Variants in RPAIN observed in about 807,000 individuals in gnomAD.
RPAIN encodes the protein RPA-interacting protein.
RPAIN carries 29 observed loss-of-function variants against 30.5 expected under a neutral mutation model. The ratio of observed to expected loss-of-function variants is 0.95; its 90% CI spans 0.71 to 1.30. The LOEUF (loss-of-function observed/expected upper bound fraction) is 1.30. Ranked by LOEUF, RPAIN falls within the 50% of genes most tolerant of loss-of-function variation. RPAIN has a pLI of 0.00. For synonymous variants in RPAIN, 101 were observed against 93.5 expected, an observed-to-expected ratio of 1.08 and a Z score of -0.46; for missense variants, 247 against 264.7, an observed-to-expected ratio of 0.93 and a Z score of 0.46.
At position 5,432,854 on chromosome 17, in the gene RPAIN, G is replaced by A; in HGVS notation, c.*283G>A. Reference sequence around the variant, plus strand: ...ATAATAGATTTGTACAGAAAAAAATGATAATAAATGAGAACACAAAACATA... The same window carrying A: ...ATAATAGATTTGTACAGAAAAAAATAATAATAAATGAGAACACAAAACATA... On this transcript the variant is annotated 3_prime_UTR_variant, in exon 7 of 7. Transcript: ENST00000381209. The A allele has an allele frequency of 1.0e-6, 1 of 953,678 alleles. No individual in the cohort carries two copies. The highest frequency in any genetic ancestry group is 1.5e-6 in the Non-Finnish European group (1 of 673,970). The allele number at this position is 953,678 out of a possible 1,614,324, so 59.1% of individuals were successfully genotyped here. A position where few individuals can be genotyped will look rare whatever the true frequency, so the allele number is the denominator to read the frequency against.
Position 5,428,185 on chromosome 17 carries a change from A to G in RPAIN, c.604A>G (p.Lys202Glu). 6.2e-7 allele frequency: 1 copy of G among 1,614,184 alleles called. No homozygotes were observed. The highest frequency in any genetic ancestry group is 8.5e-7 in the Non-Finnish European group (1 of 1,180,024). The change falls in exon 6 of 7, where the codon AAG becomes GAG. Residue 202 changes from lysine to glutamate, a missense_variant. By Grantham distance (56) the Lys-to-Glu change is moderately conservative. Transcript: ENST00000381209. ...EFSVTGGTEE[K>E]SSLLMSCLAC... is the part of the protein sequence containing the mutation. ...TTCAGTCACTGGAGGAACAGAAGAA[A>G]AGTCCAGTCTTCTCATGAGCTGTCT...
intron 6 of RPAIN, chr17:5,432,131 T>C (rs938500728): frequency 4.4e-6 from 1 of 229,476 alleles, no homozygotes; most frequent in Middle Eastern, 1.7e-3. Context: ...TCATGCATGG[T>C]TTGCACCTCC....
intron 3 of RPAIN, among the ~76,000 whole-genome samples, chr17:5,424,775 T>G (rs1477158701): frequency 1.3e-5 from 2 of 152,234 alleles, no homozygotes; most frequent in African/African-American, 4.8e-5. Context: ...CAAGTGTTAG[T>G]TGTTAATGAC....
chr17:5,426,087 G>A lies in RPAIN; in HGVS notation c.425+5G>A, dbSNP rs1567586692. 1.2e-6 allele frequency: 2 copies of A among 1,606,238 alleles called. No individual in the cohort carries two copies. The highest frequency in any genetic ancestry group is 1.7e-6 in the Non-Finnish European group (2 of 1,173,080). On this transcript the variant is annotated splice_donor_5th_base_variant and intron_variant, in intron 4 of 6. Transcript: ENST00000381209. ...CATCTGTCCTGTATGTACAAAGTAAGAGTTTTTAAAACCTTTTCAGCATTA... is the reference window on the plus strand; with the variant it reads ...CATCTGTCCTGTATGTACAAAGTAAAAGTTTTTAAAACCTTTTCAGCATTA...
intron 5 of RPAIN, chr17:5,426,569 C>A: frequency 2.6e-6 from 1 of 390,842 alleles, no homozygotes; most frequent in East Asian, 4.2e-5. Context: ...TTGGTAACGC[C>A]TGTATCTGAC....
chr17:5,428,019 A>G, intron 5 of RPAIN, 52 bp from the exon 6 acceptor site: 3 of 1,579,002 alleles, frequency 1.9e-6, no homozygotes, highest in Non-Finnish European at 2.6e-6. Flanking sequence ...AGGATTTTCC[A>G]TCTGTTGGCT....
At chr17:5,425,161 A>G (rs1383040016) in intron 3 of RPAIN, 2 of 353,414 alleles carry the variant, frequency 5.7e-6, no homozygotes, top group Non-Finnish European at 1.1e-5. Context: ...CCCCTTCCCT[A>G]ATGTCTAGAC....
chr17:5,422,923 G>A (rs1915016024), intron 3 of RPAIN, 94 bp downstream of exon 3: 2 of 981,686 alleles, frequency 2.0e-6, no homozygotes, highest in South Asian at 2.9e-5. Context: ...AGTCCCCTTT[G>A]TCTACCTCCA....
intron 6 of RPAIN, chr17:5,431,005 C>T (rs1915854578): frequency 5.7e-6 from 1 of 175,926 alleles, no homozygotes; most frequent in Non-Finnish European, 1.2e-5. Flanking sequence ...TGTTATGGAC[C>T]CCAGTTATCC....
Position 5,422,755 on chromosome 17 carries a change from C to T in RPAIN, c.253-14C>T. On this transcript the variant is annotated splice_polypyrimidine_tract_variant and intron_variant, in intron 2 of 6. Transcript: ENST00000381209. ...AATACTTCAAACTTCTGATGCCGCT[C>T]CTTTCTCTTCCAGCTGGAGGAGCTG... 2 of 1,612,476 alleles carry T rather than the reference C, an allele frequency of 1.2e-6. No homozygotes were observed. Among genetic ancestry groups the T allele is most frequent in the South Asian group, 2.2e-5 (2 of 90,960 alleles).
intron 6 of RPAIN, 75 bp from the exon 7 acceptor site, chr17:5,432,467 T>G: frequency 7.2e-7 from 1 of 1,384,954 alleles, no homozygotes. Context: ...GAATTCTCAT[T>G]GATTACAACT....
intron 4 of RPAIN, 57 bp from the exon 5 acceptor site, chr17:5,426,179 G>A (rs373808715): frequency 1.9e-6 from 3 of 1,591,768 alleles, no homozygotes; most frequent in Non-Finnish European, 1.7e-6. Flanking sequence ...GAAATTCAAG[G>A]TTTGGAGATC....
In RPAIN at chr17:5,431,330, T is replaced by C. The variant is rs985339397; in HGVS notation, c.631-1212T>C. 3 of 391,856 alleles carry C rather than the reference T, an allele frequency of 7.7e-6. No individual in the cohort carries two copies. In the Admixed American group the frequency reaches 1.0e-4, roughly 13 times the overall value. 24.3% of individuals were successfully genotyped at this position (391,856 alleles called of 1,614,324 possible). On this transcript the variant is annotated intron_variant, in intron 6 of 6. Transcript: ENST00000381209. ...GGTGAAACCCTGTCTCTACTAAAAA[T>C]ACAGAAATTAGCTGGGTGTGGTGGC...
chr17:5,424,500 C>T (rs564819639), intron 3 of RPAIN, among the ~76,000 whole-genome samples: 18 of 152,238 alleles, frequency 1.2e-4, no homozygotes, highest in Admixed American at 8.5e-4. Flanking sequence ...GCTTAAATAA[C>T]GTGTGTAGAA....
At position 5,421,285 on chromosome 17, in the gene RPAIN, T is replaced by C; in HGVS notation, c.82-11T>C. 1 of 1,589,890 alleles carries C rather than the reference T, an allele frequency of 6.3e-7. No individual in the cohort carries two copies. The highest frequency in any genetic ancestry group is 1.2e-5 in the South Asian group (1 of 86,708). ...TTTTTTTTCCCCCCCAATCTTGCTC[T>C]TTTTTCCCAGAGATGCCTGGAGAGA... On this transcript the variant is annotated splice_polypyrimidine_tract_variant and intron_variant, in intron 1 of 6. Transcript: ENST00000381209.
chr17:5,432,382 G>A, intron 6 of RPAIN, 160 bp from the exon 7 acceptor site: 1 of 656,218 alleles, frequency 1.5e-6, no homozygotes, highest in Non-Finnish European at 2.7e-6. Flanking sequence ...CAATGCCAAA[G>A]AGGGGCGGTC....
At chr17:5,431,846 G>A in intron 6 of RPAIN, 1 of 336,462 alleles carries the variant, frequency 3.0e-6, no homozygotes, top group South Asian at 2.3e-5. Context: ...CATATTACCT[G>A]TGGAAGTGGT....
At chr17:5,428,731 T>G in intron 6 of RPAIN, 1 of 1,014,126 alleles carries the variant, frequency 9.9e-7, no homozygotes, top group African/African-American at 1.7e-5. Flanking sequence ...AACCAATATC[T>G]CTTATAATCC....
intron 6 of RPAIN, chr17:5,428,505 T>C: frequency 7.2e-7 from 1 of 1,390,518 alleles, no homozygotes; most frequent in South Asian, 1.5e-5. Flanking sequence ...ATTCAGCTGG[T>C]CATTTCATAG....
Sources: allele counts gnomAD v4.1 joint callset (sites outside exome capture counted in the v4.1 genomes callset), GRCh38; gene constraint gnomAD v4.1.1; transcripts MANE v1.5; gene names NCBI Gene and HGNC (gene_info 2026-07-23, HGNC 2026-07-21).